The following ATRNL1 variants were observed in gnomAD, a reference collection of about 807,000 sequenced individuals.
ATRNL1 encodes attractin-like protein 1.
In ATRNL1, 95 loss-of-function variants were observed where a neutral mutation model predicts 182.7. The ratio of observed to expected loss-of-function variants is 0.52; its 90% confidence interval spans 0.44 to 0.62. The LOEUF (loss-of-function observed/expected upper bound fraction) is 0.62. Among genes scored for constraint, ATRNL1 ranks in the 20% least tolerant of loss-of-function variants. The pLI, the probability that ATRNL1 is intolerant of heterozygous loss-of-function variation, is 0.00. For missense variants in ATRNL1, 1,471 were observed against 1,679.5 expected, an observed-to-expected ratio of 0.88 and a Z score of 2.17; for synonymous variants, 576 against 568.3, an observed-to-expected ratio of 1.01 and a Z score of -0.19.
chr10:115,606,013 AAAG>A (rs1380300422), intron 26 of ATRNL1, among the ~76,000 whole-genome samples: 3 of 151,994 alleles, frequency 2.0e-5, no homozygotes, highest in Admixed American at 1.3e-4. Context: ...ATAGGGAGAA[AAAG>A]AAGAAAATTA....
At chr10:115,505,083 T>TACATAATAA (rs1420379228) in intron 24 of ATRNL1, among the ~76,000 whole-genome samples, 1 of 152,066 alleles carries the variant, frequency 6.6e-6, no homozygotes, top group Non-Finnish European at 1.5e-5. Context: ...ACAAAAAGTC[T>TACATAATAA]GGTGGTGCTA....
intron 18 of ATRNL1, among the ~76,000 whole-genome samples, chr10:115,327,153 C>A (rs1554933571): frequency 6.6e-6 from 1 of 151,596 alleles, no homozygotes; most frequent in East Asian, 2.0e-4. Context: ...AGGCAACCTA[C>A]AAAATGGGAG....
At chr10:115,535,166 T>C (rs529335818) in intron 25 of ATRNL1, among the ~76,000 whole-genome samples, 5 of 152,102 alleles carry the variant, frequency 3.3e-5, no homozygotes, top group Non-Finnish European at 4.4e-5. Flanking sequence ...CCTTGCTAGA[T>C]TGGGGAAGTT....
intron 21 of ATRNL1, among the ~76,000 whole-genome samples, chr10:115,440,652 A>G (rs1846625133): frequency 6.6e-6 from 1 of 151,564 alleles, no homozygotes; most frequent in Non-Finnish European, 1.5e-5. Context: ...GTCCTTAGCT[A>G]AAACTGCATA....
chr10:115,413,617 C>T (rs552706332), intron 20 of ATRNL1, among the ~76,000 whole-genome samples: 180 of 152,094 alleles, frequency 1.2e-3, no homozygotes, highest in African/African-American at 4.1e-3. Flanking sequence ...TCACATTGTC[C>T]AAGATTTGGC....
rs557745428 is a variant in ATRNL1 at position 115,152,019 on chromosome 10, G to T, written c.830-8021G>T. On this transcript the variant is annotated intron_variant, in intron 5 of 28. Transcript: ENST00000355044. Reference sequence around the variant, plus strand: ...TGTCAGGTTTGTCAAAGATCAGATGGCTGTAGATGTGTGATATTATTTCTG... The same window carrying T: ...TGTCAGGTTTGTCAAAGATCAGATGTCTGTAGATGTGTGATATTATTTCTG... 5.3e-5 allele frequency among the ~76,000 whole-genome samples: 8 copies of T among 152,234 alleles called. No individual in the cohort carries two copies. The East Asian group carries it at 1.5e-3, about 29-fold the overall frequency.
chr10:115,909,188 C>T (rs1164490927), intron 28 of ATRNL1, among the ~76,000 whole-genome samples: 2 of 151,870 alleles, frequency 1.3e-5, no homozygotes, highest in Non-Finnish European at 2.9e-5. Context: ...CATGCCCAGT[C>T]AGTTAAAGGT....
rs115350756 is a variant in ATRNL1 at position 115,652,737 on chromosome 10, T to C, written c.3796-74511T>C. On this transcript the variant is annotated intron_variant, in intron 26 of 28. Transcript: ENST00000355044. The stretch of plus-strand genomic sequence containing the variant: ...TTTACTTTTAAGAGAACATTATATA[T>C]TATTAATCCTAAAAGCCATTAGACA... Among the ~76,000 whole-genome samples the C allele has an allele frequency of 7.2e-3, 1,097 of 152,206 alleles. 13 individuals are homozygous for C. Among genetic ancestry groups the C allele is most frequent in the African/African-American group, 0.025 (1,044 of 41,552 alleles).
chr10:115,890,322 T>G (rs1952049963), intron 28 of ATRNL1, among the ~76,000 whole-genome samples: 1 of 152,148 alleles, frequency 6.6e-6, no homozygotes, highest in South Asian at 2.1e-4. Flanking sequence ...AGCTCTAACA[T>G]GGTTAATCTT....
chr10:115,859,660 G>A (rs1373450047), intron 28 of ATRNL1, among the ~76,000 whole-genome samples: 5 of 152,082 alleles, frequency 3.3e-5, no homozygotes, highest in African/African-American at 1.2e-4. Flanking sequence ...CCAGAAGTAT[G>A]TTCAAGTTTT....
At chr10:115,442,143 G>T (rs1554965855) in intron 21 of ATRNL1, among the ~76,000 whole-genome samples, 1 of 151,872 alleles carries the variant, frequency 6.6e-6, no homozygotes, top group East Asian at 1.9e-4. Flanking sequence ...ATCTTTCATG[G>T]TTTTCCATGA....
intron 24 of ATRNL1, among the ~76,000 whole-genome samples, chr10:115,506,374 A>T (rs1850112896): frequency 6.6e-6 from 1 of 152,150 alleles, no homozygotes; most frequent in Admixed American, 6.6e-5. Context: ...AAACAAACAC[A>T]TTATGTGATT....
intron 21 of ATRNL1, among the ~76,000 whole-genome samples, chr10:115,447,874 T>C (rs1847084399): frequency 6.6e-6 from 1 of 152,042 alleles, no homozygotes; most frequent in Non-Finnish European, 1.5e-5. Flanking sequence ...TATACAATAA[T>C]TTTCTTCCAC....
chr10:115,879,592 T>TAG (rs1349342647), intron 28 of ATRNL1, among the ~76,000 whole-genome samples: 4 of 152,158 alleles, frequency 2.6e-5, no homozygotes, highest in African/African-American at 7.2e-5. Flanking sequence ...TTGAAAGGAA[T>TAG]AGAGGGCTGA....
chr10:115,835,956 T>C, intron 27 of ATRNL1, among the ~76,000 whole-genome samples: 1 of 152,230 alleles, frequency 6.6e-6, no homozygotes, highest in South Asian at 2.1e-4. Context: ...TTCTGCTCTG[T>C]CCCCCCACAC....
intron 27 of ATRNL1, among the ~76,000 whole-genome samples, chr10:115,799,131 T>TA (rs1949731344): frequency 6.6e-6 from 1 of 152,216 alleles, no homozygotes; most frequent in Admixed American, 6.5e-5. Flanking sequence ...AAGCTTTCTT[T>TA]ACGTCGGAGA....
intron 27 of ATRNL1, among the ~76,000 whole-genome samples, chr10:115,822,413 A>G (rs1274315128): frequency 2.0e-5 from 3 of 152,186 alleles, no homozygotes; most frequent in Non-Finnish European, 2.9e-5. Flanking sequence ...AGAAGAAGGT[A>G]AGAAATAACT....
chr10:115,598,350 A>ATTTATTTATTTATTTATTTAT (rs60852354), intron 26 of ATRNL1, among the ~76,000 whole-genome samples: 4,024 of 145,838 alleles, frequency 0.028, 118 homozygotes, highest in African/African-American at 0.063. Context: ...ATTTAAAAAA[A>ATTTATTTATTTATTTATTTAT]TTATTTATTT....
chr10:115,628,882 C>T (rs955811998), intron 26 of ATRNL1, among the ~76,000 whole-genome samples: 2 of 152,228 alleles, frequency 1.3e-5, no homozygotes, highest in African/African-American at 4.8e-5. Context: ...ATCCAGTTGT[C>T]CCAGTCCAAT....
Sources: allele counts gnomAD v4.1 joint callset (sites outside exome capture counted in the v4.1 genomes callset), GRCh38; gene constraint gnomAD v4.1.1; transcripts MANE v1.5; gene names NCBI Gene and HGNC (gene_info 2026-07-23, HGNC 2026-07-21).